Variants in ZNF730 observed in about 807,000 individuals in gnomAD.
The protein encoded by ZNF730 is putative zinc finger protein 730.
In ZNF730, 12 loss-of-function variants were observed where a neutral mutation model predicts 12.6. The ratio of observed to expected loss-of-function variants is 0.95; its 90% CI spans 0.61 to 1.54. The LOEUF is 1.54. Among genes scored for constraint, ZNF730 ranks in the 40% most tolerant of loss-of-function variants. The pLI, the probability that ZNF730 is intolerant of heterozygous loss-of-function variation, is 0.00. For synonymous variants in ZNF730, 194 were observed against 195.8 expected, an observed-to-expected ratio of 0.99 and a Z score of 0.08; for missense variants, 643 against 583.5, an observed-to-expected ratio of 1.10 and a Z score of -1.05.
intron 1 of ZNF730, among the ~76,000 whole-genome samples, chr19:23,094,400 G>GTCTATCTA (rs1456536974): frequency 2.7e-5 from 4 of 147,432 alleles, no homozygotes; most frequent in African/African-American, 1.0e-4. Flanking sequence ...CTGTCTATCT[G>GTCTATCTA]TCTATCTATC....
chr19:23,136,019 CATGAT>C lies in ZNF730; in HGVS notation c.206_210del (p.Asp69GlyfsTer34), dbSNP rs1970827383. ...AAAAGAGCCTTGGAATTTGAAGACA[CATGAT>C]ATGGTAGCCAAACCCCCAGGTAGGT... On this transcript the variant is annotated frameshift_variant, in exon 3 of 4. Coordinates refer to ENST00000597761, the MANE Select transcript of ZNF730 (RefSeq NM_001277403.2). LOFTEE classifies it low-confidence loss of function (END_TRUNC). The C allele has an allele frequency of 1.2e-6, 2 of 1,606,268 alleles. No homozygotes were observed. Among genetic ancestry groups the C allele is most frequent in the Non-Finnish European group, 1.7e-6 (2 of 1,176,074 alleles).
At chr19:23,090,589 A>G (rs1328301126) in intron 1 of ZNF730, among the ~76,000 whole-genome samples, 1 of 152,216 alleles carries the variant, frequency 6.6e-6, no homozygotes, top group Non-Finnish European at 1.5e-5. Flanking sequence ...AGAAATTTGC[A>G]TAAGTAGCAA....
At chr19:23,134,437 AG>A (rs1242713043) in intron 2 of ZNF730, among the ~76,000 whole-genome samples, 1 of 114,592 alleles carries the variant, frequency 8.7e-6, no homozygotes, top group Non-Finnish European at 1.8e-5. Flanking sequence ...AGGGAGGCGG[AG>A]GGGGGTCGGC....
chr19:23,114,933 C>T (rs1043579350), upstream of ZNF730, among the ~76,000 whole-genome samples: 1 of 152,076 alleles, frequency 6.6e-6, no homozygotes, highest in Non-Finnish European at 1.5e-5. Flanking sequence ...TACAGGCATG[C>T]AACATCATGC....
At chr19:23,118,850 G>A (rs939336891) in intron 1 of ZNF730, among the ~76,000 whole-genome samples, 3 of 152,206 alleles carry the variant, frequency 2.0e-5, no homozygotes, top group African/African-American at 7.2e-5. Context: ...GATAATGGGT[G>A]AGTTACAAGA....
chr19:23,104,661 C>T (rs541186512), intron 1 of ZNF730, among the ~76,000 whole-genome samples: 5 of 152,234 alleles, frequency 3.3e-5, no homozygotes, highest in African/African-American at 1.2e-4. Context: ...TCTTTAGCAA[C>T]AGGATGCAAC....
upstream of ZNF730, among the ~76,000 whole-genome samples, chr19:23,115,692 C>G (rs777945417): frequency 3.6e-5 from 1 of 27,996 alleles, no homozygotes; most frequent in Admixed American, 7.8e-4. Context: ...AAGCTCACCC[C>G]CAGAAGCAGA....
intron 1 of ZNF730, among the ~76,000 whole-genome samples, chr19:23,087,211 C>T (rs544179852): frequency 1.3e-5 from 2 of 152,212 alleles, no homozygotes; most frequent in Non-Finnish European, 2.9e-5. Flanking sequence ...TGTTCGAGAC[C>T]AGCCTGGCCA....
intron 1 of ZNF730, among the ~76,000 whole-genome samples, chr19:23,093,077 G>A (rs981048490): frequency 4.6e-5 from 7 of 152,154 alleles, no homozygotes; most frequent in South Asian, 2.1e-4. Flanking sequence ...TGTAACCTCC[G>A]CCTCCCGGGT....
chr19:23,116,360 TTCTC>T (rs1329730116), upstream of ZNF730, among the ~76,000 whole-genome samples: 2 of 151,500 alleles, frequency 1.3e-5, no homozygotes, highest in East Asian at 1.9e-4. Context: ...TTTCTTTTCT[TTCTC>T]TCTTTTCTTT....
At chr19:23,118,491 T>C (rs936486148) in intron 1 of ZNF730, among the ~76,000 whole-genome samples, 5 of 152,134 alleles carry the variant, frequency 3.3e-5, no homozygotes, top group African/African-American at 9.7e-5. Context: ...TGGCTATGTC[T>C]GCTAGAGTGT....
chr19:23,113,024 A>G (rs1192179149), upstream of ZNF730, among the ~76,000 whole-genome samples: 1 of 152,232 alleles, frequency 6.6e-6, no homozygotes, highest in Non-Finnish European at 1.5e-5. Flanking sequence ...GGCTATGGTT[A>G]CACAATAGAC....
At chr19:23,078,648 G>A (rs918361184) in intron 1 of ZNF730, among the ~76,000 whole-genome samples, 10 of 152,026 alleles carry the variant, frequency 6.6e-5, no homozygotes, top group African/African-American at 1.5e-4. Flanking sequence ...GCTGAGCGCC[G>A]CCCCTGGGCC....
intron 1 of ZNF730, among the ~76,000 whole-genome samples, chr19:23,129,550 CTG>C (rs1970716607): frequency 6.7e-6 from 1 of 148,444 alleles, no homozygotes; most frequent in Admixed American, 6.7e-5. Flanking sequence ...TATGGAATGA[CTG>C]TATTTACCCA....
At chr19:23,075,942 T>C (rs923605639) in intron 1 of ZNF730, among the ~76,000 whole-genome samples, 1 of 152,038 alleles carries the variant, frequency 6.6e-6, no homozygotes, top group Non-Finnish European at 1.5e-5. Context: ...TTTTTAAATT[T>C]ATGAACACAG....
intron 1 of ZNF730, among the ~76,000 whole-genome samples, chr19:23,129,707 C>CT (rs1970721282): frequency 6.6e-6 from 1 of 151,740 alleles, no homozygotes; most frequent in Non-Finnish European, 1.5e-5. Flanking sequence ...TGAGTTAAGA[C>CT]TTTGGGCCGG....
chr19:23,080,575 A>G (rs1568298232), intron 1 of ZNF730, among the ~76,000 whole-genome samples: 1 of 151,990 alleles, frequency 6.6e-6, no homozygotes, highest in South Asian at 2.1e-4. Context: ...GGGTTTCAGC[A>G]TGTTGCCCAG....
At position 23,077,554 on chromosome 19, in the gene ZNF730, T is replaced by C. The variant is rs1435970598; in HGVS notation, c.-94+2167T>C. On this transcript the variant is annotated intron_variant, in intron 1 of 2. Coordinates refer to the ZNF730 transcript ENST00000593635. ...CTGGGTTAAAGCAATCCTCCTGCCT[T>C]AGCCTCCCGAGTAGCTGGGATTATA... is the stretch of plus-strand genomic sequence containing the variant. 6.7e-5 allele frequency among the ~76,000 whole-genome samples: 10 copies of C among 148,382 alleles called. No individual in the cohort carries two copies. In the Admixed American group the frequency reaches 6.8e-4, roughly 10 times the overall value.
intron 1 of ZNF730, among the ~76,000 whole-genome samples, chr19:23,094,083 C>T (rs184405004): frequency 4.6e-5 from 7 of 152,230 alleles, no homozygotes; most frequent in East Asian, 1.9e-4. Context: ...CCAGGCTTAC[C>T]GAGGCGATCC....
Sources: allele counts gnomAD v4.1 joint callset (sites outside exome capture counted in the v4.1 genomes callset), GRCh38; gene constraint gnomAD v4.1.1; transcripts MANE v1.5; gene names NCBI Gene and HGNC (gene_info 2026-07-23, HGNC 2026-07-21).